Variants in ANKRD36C observed in about 807,000 individuals in gnomAD.
ANKRD36C encodes ankyrin repeat domain-containing protein 36C.
ANKRD36C carries 61 observed loss-of-function variants against 276.4 expected under a neutral mutation model. That is an observed-to-expected ratio of 0.22 (90% CI 0.18 to 0.27). The LOEUF (loss-of-function observed/expected upper bound fraction) is 0.27. Among genes scored for constraint, ANKRD36C ranks in the 10% least tolerant of loss-of-function variants. The pLI, the probability that ANKRD36C is intolerant of heterozygous loss-of-function variation, is 1.00. For missense variants in ANKRD36C, 1,447 were observed against 2,032.3 expected, an observed-to-expected ratio of 0.71 and a Z score of 5.54; for synonymous variants, 483 against 680.1, an observed-to-expected ratio of 0.71 and a Z score of 4.51.
At chr2:95,980,512 T>C in intron 5 of ANKRD36C, 136 bp downstream of exon 5, 1 of 1,311,898 alleles carries the variant, frequency 7.6e-7, no homozygotes, top group Non-Finnish European at 1.0e-6. Context: ...CTCGAAAACT[T>C]AAAAACTTGA....
chr2:95,870,437 G>C (rs906550308), intron 59 of ANKRD36C, among the ~76,000 whole-genome samples: 1 of 152,224 alleles, frequency 6.6e-6, no homozygotes, highest in Non-Finnish European at 1.5e-5. Context: ...AACTCCAACA[G>C]ACCTGCAGCT....
In ANKRD36C at chr2:95,885,935, A is replaced by G. The variant is rs1036163780; in HGVS notation, c.3163+113T>C. On this transcript the variant is annotated intron_variant, in intron 52 of 66. Transcript: ENST00000456556. Reference sequence around the variant, plus strand: ...GACTTATTACAAATGAAGAATCTCAAGCATGCTGAATCCAAACATAAAGCT... The same window carrying G: ...GACTTATTACAAATGAAGAATCTCAGGCATGCTGAATCCAAACATAAAGCT... 3.3e-5 allele frequency: 51 copies of G among 1,541,480 alleles called. No individual in the cohort carries two copies. The Admixed American group carries it at 7.7e-4, about 23-fold the overall frequency.
intron 63 of ANKRD36C, among the ~76,000 whole-genome samples, chr2:95,854,925 G>A (rs1045961848): frequency 1.3e-4 from 20 of 152,040 alleles, no homozygotes; most frequent in African/African-American, 4.1e-4. Flanking sequence ...TTTTAGGTAT[G>A]AGCATTTCCA....
intron 36 of ANKRD36C, among the ~76,000 whole-genome samples, chr2:95,917,271 AT>A (rs1407540545): frequency 6.6e-6 from 1 of 151,602 alleles, no homozygotes; most frequent in Non-Finnish European, 1.5e-5. Flanking sequence ...AAAATCAAAT[AT>A]TTTTTAAGCA....
At chr2:95,924,086 G>C (rs957481418) in intron 30 of ANKRD36C, among the ~76,000 whole-genome samples, 4 of 151,616 alleles carry the variant, frequency 2.6e-5, no homozygotes, top group African/African-American at 7.3e-5. Flanking sequence ...ATTTACACTA[G>C]TATACTACAA....
chr2:95,949,378 C>T (rs1158462090), intron 16 of ANKRD36C, among the ~76,000 whole-genome samples: 1 of 152,074 alleles, frequency 6.6e-6, no homozygotes, highest in African/African-American at 2.4e-5. Flanking sequence ...GAAAAGTCTC[C>T]CTCCTGAGTA....
chr2:95,879,358 A>G (rs1156722952), intron 58 of ANKRD36C, among the ~76,000 whole-genome samples: 1 of 152,102 alleles, frequency 6.6e-6, no homozygotes, highest in East Asian at 1.9e-4. Context: ...CTATAGTTAG[A>G]AACAATGAAT....
intron 6 of ANKRD36C, among the ~76,000 whole-genome samples, chr2:95,975,612 A>G (rs940328695): frequency 9.2e-5 from 14 of 152,226 alleles, no homozygotes; most frequent in Admixed American, 2.0e-4. Context: ...CTTACATCTT[A>G]TACAAAAATT....
intron 19 of ANKRD36C, 98 bp downstream of exon 19, chr2:95,944,529 A>G (rs1368053676): frequency 1.6e-6 from 2 of 1,216,262 alleles, no homozygotes; most frequent in South Asian, 1.5e-5. Flanking sequence ...ACAATTTACC[A>G]TTGTAAAATT....
chr2:95,952,322 T>G (rs937952776), intron 14 of ANKRD36C, among the ~76,000 whole-genome samples: 1 of 152,300 alleles, frequency 6.6e-6, no homozygotes, highest in African/African-American at 2.4e-5. Context: ...TTGTTTACTA[T>G]AAAATAACAC....
At chr2:95,910,733 G>C (rs1024817551) in intron 42 of ANKRD36C, among the ~76,000 whole-genome samples, 165 bp from the exon 45 acceptor site, 1 of 151,408 alleles carries the variant, frequency 6.6e-6, no homozygotes, top group Non-Finnish European at 1.5e-5. Context: ...GAAGTACACT[G>C]AGAAAAGGGA....
intron 44 of ANKRD36C, among the ~76,000 whole-genome samples, chr2:95,896,389 A>G (rs1428522226): frequency 6.7e-6 from 1 of 148,542 alleles, no homozygotes; most frequent in Non-Finnish European, 1.5e-5. Context: ...TTCATTGAAA[A>G]TGACCATTTT....
intron 42 of ANKRD36C, among the ~76,000 whole-genome samples, chr2:95,911,046 A>C (rs529312265): frequency 6.6e-6 from 1 of 151,644 alleles, no homozygotes; most frequent in African/African-American, 2.4e-5. Flanking sequence ...ACGATACTTC[A>C]GTTGAACTTA....
intron 48 of ANKRD36C, 140 bp from the exon 69 acceptor site, chr2:95,888,260 G>A: frequency 6.8e-7 from 1 of 1,461,372 alleles, no homozygotes; most frequent in South Asian, 1.2e-5. Context: ...TGTGACTGGG[G>A]ACTGGAATAT....
At chr2:95,959,404 A>G (rs1479821704) in intron 10 of ANKRD36C, among the ~76,000 whole-genome samples, 3 of 152,190 alleles carry the variant, frequency 2.0e-5, no homozygotes, top group African/African-American at 4.8e-5. Context: ...CATTTCTTCT[A>G]TCCTCTAGTT....
At position 95,986,590 on chromosome 2, in the gene ANKRD36C, T is replaced by C. The variant is rs575952986; in HGVS notation, c.486+161A>G. The C allele has an allele frequency of 1.7e-4, 170 of 1,021,728 alleles. No homozygotes were observed. In the East Asian group the frequency reaches 4.5e-3, roughly 27 times the overall value. The allele number at this position is 1,021,728 out of a possible 1,614,324, so 63.3% of individuals were successfully genotyped here. ...TTCCTTATAATGCTTCTTTAAAAGT[T>C]CCAAAATTTAAAGTAAAATCTTAGA... On this transcript the variant is annotated intron_variant, in intron 3 of 66. Coordinates refer to ENST00000456556, the Ensembl canonical transcript of ANKRD36C.
chr2:95,866,482 A>G lies in ANKRD36C; in HGVS notation c.3682+958T>C, dbSNP rs564328865. 3.3e-5 allele frequency among the ~76,000 whole-genome samples: 5 copies of G among 152,256 alleles called. No homozygotes were observed. In the East Asian group the frequency reaches 9.6e-4, roughly 29 times the overall value. ...TTTTATATGCAGAAGATGTGAAAAG[A>G]CAGTTCAACAAAGAAGATGTACAGA... On this transcript the variant is annotated intron_variant, in intron 60 of 66. Transcript: ENST00000456556.
chr2:95,986,531 T>C (rs1174038657), intron 3 of ANKRD36C: 2 of 559,266 alleles, frequency 3.6e-6, no homozygotes, highest in African/African-American at 3.8e-5. Flanking sequence ...CATGTTTGTA[T>C]AATTATTTAC....
At chr2:95,970,583 A>C (rs1678678251) in intron 6 of ANKRD36C, among the ~76,000 whole-genome samples, 1 of 152,194 alleles carries the variant, frequency 6.6e-6, no homozygotes, top group African/African-American at 2.4e-5. Context: ...CAACAACAAC[A>C]AATCTTTGTC....
Sources: gnomAD v4.1 joint callset for allele counts (sites outside exome capture counted in the v4.1 genomes callset) on GRCh38, gnomAD v4.1.1 for gene constraint, MANE v1.5 for transcripts, NCBI Gene and HGNC (gene_info 2026-07-23, HGNC 2026-07-21) for gene names.